BMPR1A: variants seen among roughly 807,000 people sequenced by gnomAD.
The protein encoded by BMPR1A is bone morphogenetic protein receptor type 1A.
A neutral mutation model predicts 66.0 loss-of-function variants in BMPR1A; 7 were observed. That is an observed-to-expected ratio of 0.11 (90% CI 0.06 to 0.20). The LOEUF is 0.20. Ranked by LOEUF, BMPR1A falls within the 10% of genes least tolerant of loss-of-function variation. The pLI, the probability that BMPR1A is intolerant of heterozygous loss-of-function variation, is 1.00. For synonymous variants in BMPR1A, 200 were observed against 229.7 expected (o/e 0.87, Z 1.17); for missense variants, 408 against 669.1 (o/e 0.61, Z 4.31).
chr10:86,905,133 C>T (rs1461307501), intron 7 of BMPR1A, among the ~76,000 whole-genome samples: 2 of 152,098 alleles, frequency 1.3e-5, no homozygotes, highest in Admixed American at 6.5e-5. Context: ...GATCGTTTTC[C>T]TCCAATTTAG....
intron 7 of BMPR1A, among the ~76,000 whole-genome samples, chr10:86,903,806 A>G (rs1001404046): frequency 1.3e-5 from 2 of 151,988 alleles, no homozygotes; most frequent in East Asian, 1.9e-4. Context: ...ACGGGGTTTC[A>G]TCGTGTTAGC....
chr10:86,901,595 T>G (rs912851389), intron 7 of BMPR1A, among the ~76,000 whole-genome samples: 14 of 152,212 alleles, frequency 9.2e-5, no homozygotes, highest in Admixed American at 7.9e-4. Context: ...CCAACAGTGT[T>G]TACTGTTATT....
intron 7 of BMPR1A, among the ~76,000 whole-genome samples, chr10:86,903,080 A>G (rs1299672639): frequency 1.3e-5 from 2 of 152,192 alleles, no homozygotes; most frequent in African/African-American, 4.8e-5. Context: ...TGTATCCTAG[A>G]ACAAACTCAA....
intron 3 of BMPR1A, among the ~76,000 whole-genome samples, chr10:86,883,697 G>A (rs1843025825): frequency 6.6e-6 from 1 of 151,888 alleles, no homozygotes; most frequent in Non-Finnish European, 1.5e-5. Context: ...TTCAACCCAG[G>A]AGGCAGAGGT....
At chr10:86,819,804 A>G (rs1842095490) in intron 1 of BMPR1A, among the ~76,000 whole-genome samples, 1 of 152,180 alleles carries the variant, frequency 6.6e-6, no homozygotes, top group African/African-American at 2.4e-5. Context: ...TTCAGTTATG[A>G]GTGGCATAGC....
At chr10:86,884,327 C>T (rs1843036115) in intron 3 of BMPR1A, among the ~76,000 whole-genome samples, 1 of 150,864 alleles carries the variant, frequency 6.6e-6, no homozygotes, top group African/African-American at 2.4e-5. Context: ...CTCAAGCATC[C>T]TACCTTCCTG....
chr10:86,836,469 T>A (rs541701383), intron 1 of BMPR1A, among the ~76,000 whole-genome samples: 1 of 152,222 alleles, frequency 6.6e-6, no homozygotes, highest in African/African-American at 2.4e-5. Flanking sequence ...GGGATACATG[T>A]GCGGGACTAG....
At chr10:86,796,695 G>GC (rs1390057443) in intron 1 of BMPR1A, among the ~76,000 whole-genome samples, 1 of 151,684 alleles carries the variant, frequency 6.6e-6, no homozygotes, top group African/African-American at 2.4e-5. Flanking sequence ...TTCCACCTCA[G>GC]CCTCCCAAGT....
At chr10:86,844,014 C>T (rs946350852) in intron 2 of BMPR1A, among the ~76,000 whole-genome samples, 26 of 152,128 alleles carry the variant, frequency 1.7e-4, no homozygotes, top group Admixed American at 1.7e-3. Context: ...GAGATGATGC[C>T]GCCTGAATTT....
intron 7 of BMPR1A, among the ~76,000 whole-genome samples, chr10:86,904,743 A>G (rs1843360820): frequency 6.6e-6 from 1 of 152,176 alleles, no homozygotes; most frequent in African/African-American, 2.4e-5. Context: ...CTCATCTGAG[A>G]CTCAGGCCAT....
At chr10:86,767,004 A>G (rs1461751107) in intron 1 of BMPR1A, among the ~76,000 whole-genome samples, 2 of 151,892 alleles carry the variant, frequency 1.3e-5, no homozygotes, top group African/African-American at 2.4e-5. Flanking sequence ...TTGTATTTTT[A>G]GTAGAGACAG....
chr10:86,785,666 C>T (rs1841504622), intron 1 of BMPR1A, among the ~76,000 whole-genome samples: 1 of 152,124 alleles, frequency 6.6e-6, no homozygotes, highest in African/African-American at 2.4e-5. Flanking sequence ...TTCTGTGTCT[C>T]CTCATTGATC....
chr10:86,901,041 T>C (rs1039299900), intron 7 of BMPR1A, among the ~76,000 whole-genome samples: 10 of 152,242 alleles, frequency 6.6e-5, no homozygotes, highest in Admixed American at 5.2e-4. Flanking sequence ...GCTTTCACCA[T>C]GGTCTCTGGG....
At chr10:86,818,719 T>G (rs11202207) in intron 1 of BMPR1A, among the ~76,000 whole-genome samples, 47,255 of 152,068 alleles carry the variant, frequency 0.31, 8,425 homozygotes, top group East Asian at 0.69. Flanking sequence ...AGCAGTTACA[T>G]ATGCTAGAAT....
In BMPR1A at chr10:86,912,272, G is replaced by T. The variant is rs749780872; in HGVS notation, c.563G>T (p.Arg188Leu). ...HYCKSISSRR[R>L]YNRDLEQDEA... is the part of the protein sequence containing the mutation. ...TGCAAGAGCATCTCAAGCAGACGTCGTTACAATCGTGATTTGGAACAGGAT... is the reference window on the plus strand; with the variant it reads ...TGCAAGAGCATCTCAAGCAGACGTCTTTACAATCGTGATTTGGAACAGGAT... The change falls in exon 8 of 13, where the codon CGT becomes CTT. Residue 188 changes from arginine (R) to leucine (L), a missense_variant. Around this residue, in one of 5 missense-constraint regions of BMPR1A, gnomAD observed 174 missense variants for 265.1 expected, o/e 0.66. Transcript: ENST00000372037. The T allele has an allele frequency of 1.9e-6, 3 of 1,613,800 alleles. No individual in the cohort carries two copies. The highest frequency in any genetic ancestry group is 1.7e-6 in the Non-Finnish European group (2 of 1,179,894).
In BMPR1A at chr10:86,876,056, C is replaced by G. The variant is rs754015069; in HGVS notation, c.38C>G (p.Ala13Gly). Reference sequence around the variant, plus strand: ...TACATTTACATCAGATTATTGGGAGCCTATTTGTTCATCATTTCTCGTGTT... The same window carrying G: ...TACATTTACATCAGATTATTGGGAGGCTATTTGTTCATCATTTCTCGTGTT... ...QLYIYIRLLG[A>G]YLFIISRVQG... The change falls in exon 3 of 13, where the codon GCC becomes GGC. Residue 13 changes from alanine (A) to glycine (G), a missense_variant. Ala to Gly is a moderately conservative substitution (Grantham distance 60). Around this residue, in one of 5 missense-constraint regions of BMPR1A, gnomAD observed 68 missense variants for 83.0 expected, o/e 0.82. Transcript: ENST00000372037. 2.9e-5 allele frequency: 47 copies of G among 1,611,856 alleles called. No individual in the cohort carries two copies. The highest frequency in any genetic ancestry group is 4.0e-5 in the Non-Finnish European group (47 of 1,178,218).
chr10:86,772,593 A>C (rs571486710), intron 1 of BMPR1A, among the ~76,000 whole-genome samples: 1 of 152,310 alleles, frequency 6.6e-6, no homozygotes, highest in African/African-American at 2.4e-5. Flanking sequence ...TCAGTTGAAA[A>C]TGAAAGTGAT....
At chr10:86,882,597 T>C (rs909476773) in intron 3 of BMPR1A, among the ~76,000 whole-genome samples, 5 of 150,820 alleles carry the variant, frequency 3.3e-5, no homozygotes, top group African/African-American at 1.2e-4. Context: ...TGGGGCTCAA[T>C]TTTTTTTTGG....
At chr10:86,800,332 G>T (rs1047347907) in intron 1 of BMPR1A, among the ~76,000 whole-genome samples, 3 of 152,148 alleles carry the variant, frequency 2.0e-5, no homozygotes, top group African/African-American at 7.2e-5. Flanking sequence ...AGTGAGCCGA[G>T]GGGGGAGTGA....
Sources: gnomAD v4.1 joint callset for allele counts (sites outside exome capture counted in the v4.1 genomes callset) on GRCh38, gnomAD v4.1.1 for gene constraint, gnomAD v4.1.1 regional missense constraint, MANE v1.5 for transcripts, NCBI Gene and HGNC (gene_info 2026-07-23, HGNC 2026-07-21) for gene names.